Variants in ERICH2 observed in about 807,000 individuals in gnomAD.
ERICH2 encodes glutamate-rich protein 2.
Under a neutral mutation model 17.4 loss-of-function variants are expected in ERICH2, and 17 were observed. The observed-to-expected ratio is 0.98, with a 90% CI of 0.67 to 1.47. ERICH2 has a LOEUF of 1.47. Ranked by LOEUF, ERICH2 falls within the 40% of genes most tolerant of loss-of-function variation. ERICH2 has a pLI of 0.00. For synonymous variants in ERICH2, 51 were observed against 61.1 expected (o/e 0.83, Z 0.77); for missense variants, 186 against 183.2 (o/e 1.01, Z -0.09).
At chr2:170,776,603 C>T in the ERICH2 span, among the ~76,000 whole-genome samples, 5 of 152,078 alleles carry the variant, frequency 3.3e-5, no homozygotes, top group Non-Finnish European at 7.4e-5. Context: ...GTCTCGAACT[C>T]CTGACCTCAG....
At position 170,784,708 on chromosome 2, in the gene ERICH2, G is replaced by C. The variant is rs1701112591; in HGVS notation, c.91G>C (p.Asp31His). The change falls in exon 2 of 5, where the codon GAT (aspartate) becomes CAT (histidine). Residue 31 changes from aspartate to histidine, a missense_variant. Transcript: ENST00000409885. ...GAAAAATAATGAATATTGCCTTCAG[G>C]ATATTGATGATAAATTGTCAGAATC... 3 of 1,546,226 alleles carry C rather than the reference G, an allele frequency of 1.9e-6. No homozygotes were observed. In the East Asian group the frequency reaches 7.4e-5, roughly 38 times the overall value.
the ERICH2 span, among the ~76,000 whole-genome samples, chr2:170,778,632 C>T: frequency 9.2e-5 from 14 of 151,644 alleles, no homozygotes; most frequent in Non-Finnish European, 1.8e-4. Flanking sequence ...TACAATCAAC[C>T]AGAAAAAAAG....
At chr2:170,784,654 A>C in exon 2 of ERICH2, 1 of 1,509,064 alleles carries the variant, frequency 6.6e-7, no homozygotes, top group Non-Finnish European at 8.8e-7. Flanking sequence ...AGGTGAAGTG[A>C]GCAAAGATGC....
chr2:170,790,891 T>G lies in ERICH2; in HGVS notation c.217-1972T>G, dbSNP rs554227393. 2.0e-5 allele frequency among the ~76,000 whole-genome samples: 3 copies of G among 151,810 alleles called. No homozygotes were observed. The South Asian group carries it at 6.3e-4, about 32-fold the overall frequency. On this transcript the variant is annotated intron_variant, in intron 2 of 4. Coordinates refer to ENST00000409885, the Ensembl canonical transcript of ERICH2. Reference sequence around the variant, plus strand: ...TAAAATTTTGAAATAAGCTTAAAATTTCAAAGCTTTGATGATAATGATGAT... The same window carrying G: ...TAAAATTTTGAAATAAGCTTAAAATGTCAAAGCTTTGATGATAATGATGAT...
intron 2 of ERICH2, 76 bp downstream of exon 7, chr2:170,784,909 C>A: frequency 8.4e-7 from 1 of 1,191,916 alleles, no homozygotes; most frequent in Non-Finnish European, 1.1e-6. Flanking sequence ...TTTAAAATCA[C>A]TACTGTGAGA....
At chr2:170,796,796 C>A (rs948721910) in intron 3 of ERICH2, among the ~76,000 whole-genome samples, 2 of 152,028 alleles carry the variant, frequency 1.3e-5, no homozygotes, top group African/African-American at 4.8e-5. Flanking sequence ...CAGTGCCCCC[C>A]TTGGAGGCCA....
Position 170,792,496 on chromosome 2 carries a change from G to A in ERICH2, c.217-367G>A, listed in dbSNP as rs547066493. Reference sequence around the variant, plus strand: ...TAAATCTGCATTTTTTTCAACTGTCGTATAATTATGGACTAAGTTACAAAT... The same window carrying A: ...TAAATCTGCATTTTTTTCAACTGTCATATAATTATGGACTAAGTTACAAAT... On this transcript the variant is annotated intron_variant, in intron 2 of 4. Transcript: ENST00000409885. Among the ~76,000 whole-genome samples the A allele has an allele frequency of 7.9e-5, 12 of 152,162 alleles. No homozygotes were observed. The East Asian group carries it at 1.7e-3, about 22-fold the overall frequency.
chr2:170,772,955 A>C, the ERICH2 span, among the ~76,000 whole-genome samples: 1 of 152,248 alleles, frequency 6.6e-6, no homozygotes. Flanking sequence ...ATCTAAAATA[A>C]AAATTTTTTG....
the ERICH2 span, among the ~76,000 whole-genome samples, chr2:170,773,769 A>G: frequency 1.3e-5 from 2 of 152,078 alleles, no homozygotes; most frequent in Admixed American, 6.5e-5. Context: ...TCTCTTGCCC[A>G]GGCTGGAGTA....
rs780376858 is a variant in ERICH2 at position 170,792,928 on chromosome 2, C to T, written c.274+8C>T. On this transcript the variant is annotated splice_region_variant and intron_variant, in intron 3 of 4. Coordinates refer to ENST00000409885, the Ensembl canonical transcript of ERICH2. ...AAAAATTATGTCAGATGAGTAAGTA[C>T]AAAATACTTTCATATTTTCTAATCT... 6.9e-7 allele frequency: 1 copy of T among 1,459,086 alleles called. No individual in the cohort carries two copies. Among genetic ancestry groups the T allele is most frequent in the Non-Finnish European group, 9.2e-7 (1 of 1,081,686 alleles). 90.4% of individuals were successfully genotyped at this position (1,459,086 alleles called of 1,614,324 possible).
At chr2:170,785,813 A>C (rs1039410857) in intron 2 of ERICH2, among the ~76,000 whole-genome samples, 15 of 152,274 alleles carry the variant, frequency 9.9e-5, no homozygotes, top group African/African-American at 3.4e-4. Context: ...CTGAAACAAC[A>C]CACTCAAAAA....
At chr2:170,795,216 G>C (rs1473241626) in intron 3 of ERICH2, among the ~76,000 whole-genome samples, 5 of 152,178 alleles carry the variant, frequency 3.3e-5, no homozygotes, top group Non-Finnish European at 5.9e-5. Flanking sequence ...AGGCTCAAGT[G>C]ATCTGTCTGC....
the ERICH2 span, among the ~76,000 whole-genome samples, chr2:170,775,142 G>A: frequency 1.4e-5 from 1 of 70,170 alleles, no homozygotes; most frequent in Admixed American, 1.5e-4. Flanking sequence ...CTGCTCTAAA[G>A]GTGGGCCAGG....
chr2:170,792,927 A>G lies in ERICH2; in HGVS notation c.274+7A>G, dbSNP rs989231098. ...AAAAAATTATGTCAGATGAGTAAGTACAAAATACTTTCATATTTTCTAATC... is the reference window on the plus strand; with the variant it reads ...AAAAAATTATGTCAGATGAGTAAGTGCAAAATACTTTCATATTTTCTAATC... On this transcript the variant is annotated splice_region_variant and intron_variant, in intron 3 of 4. Coordinates refer to ENST00000409885, the Ensembl canonical transcript of ERICH2. 6.8e-7 allele frequency: 1 copy of G among 1,470,506 alleles called. No individual in the cohort carries two copies. The highest frequency in any genetic ancestry group is 9.2e-7 in the Non-Finnish European group (1 of 1,090,050). The allele number at this position is 1,470,506 out of a possible 1,614,324, so 91.1% of individuals were successfully genotyped here.
At chr2:170,781,665 C>G (rs997718995), upstream of ERICH2, among the ~76,000 whole-genome samples, 1 of 98,078 alleles carries the variant, frequency 1.0e-5, no homozygotes, top group Non-Finnish European at 2.6e-5. Context: ...GGTTTTTTTT[C>G]CCACAAGCAT....
chr2:170,786,372 A>G (rs949174281), intron 2 of ERICH2, among the ~76,000 whole-genome samples: 10 of 152,066 alleles, frequency 6.6e-5, no homozygotes, highest in African/African-American at 1.9e-4. Context: ...TAGTTTCAGA[A>G]GAGATATCCG....
chr2:170,783,122 T>A (rs1701068906), upstream of ERICH2: 2 of 141,086 alleles, frequency 1.4e-5, no homozygotes, highest in Non-Finnish European at 3.2e-5. Flanking sequence ...TTTTTGAAAA[T>A]TAAAAATAAA....
At chr2:170,786,441 ATTATT>A (rs1701162205) in intron 2 of ERICH2, among the ~76,000 whole-genome samples, 1 of 151,682 alleles carries the variant, frequency 6.6e-6, no homozygotes, top group African/African-American at 2.4e-5. Context: ...TTTCTTCCAT[ATTATT>A]TTATTTCACA....
intron 4 of ERICH2, 60 bp downstream of exon 9, chr2:170,798,172 AC>A: frequency 8.9e-7 from 1 of 1,123,316 alleles, no homozygotes. Context: ...CACTTTAAAA[AC>A]CCATTATCCC....
Sources: gnomAD v4.1 joint callset for allele counts (sites outside exome capture counted in the v4.1 genomes callset) on GRCh38, gnomAD v4.1.1 for gene constraint, MANE v1.5 for transcripts, NCBI Gene and HGNC (gene_info 2026-07-23, HGNC 2026-07-21) for gene names.